GNAI2: variants seen among roughly 807,000 people sequenced by gnomAD.
The protein encoded by GNAI2 is G protein subunit alpha i2, also known as guanine nucleotide-binding protein G(i) subunit alpha-2.
A neutral mutation model predicts 36.8 loss-of-function variants in GNAI2; 4 were observed. That is an observed-to-expected ratio of 0.11 (90% confidence interval 0.05 to 0.25). GNAI2 has a LOEUF of 0.25. Among genes scored for constraint, GNAI2 ranks in the 10% least tolerant of loss-of-function variants. The pLI, the probability that GNAI2 is intolerant of heterozygous loss-of-function variation, is 1.00. For synonymous variants in GNAI2, 194 were observed against 194.1 expected, an observed-to-expected ratio of 1.00 and a Z score of 0.01; for missense variants, 230 against 481.3, an observed-to-expected ratio of 0.48 and a Z score of 4.89.
At position 50,255,528 on chromosome 3, in the gene GNAI2, C is replaced by G. The variant is rs587706760; in HGVS notation, c.465-664C>G. 2.0e-5 allele frequency among the ~76,000 whole-genome samples: 3 copies of G among 152,192 alleles called. No individual in the cohort carries two copies. The highest frequency in any genetic ancestry group is 7.2e-5 in the African/African-American group (3 of 41,450). On this transcript the variant is annotated intron_variant, in intron 4 of 8. Transcript: ENST00000313601. The surrounding 1 kb of genome is among the most constrained non-coding windows in gnomAD (Gnocchi z 4.0). Reference sequence around the variant, plus strand: ...CCCATTAGCATCCTGAATCCTTCACCGAAGGACTAATTTGCCTCCTCCCAC... The same window carrying G: ...CCCATTAGCATCCTGAATCCTTCACGGAAGGACTAATTTGCCTCCTCCCAC...
intron 5 of GNAI2, 86 bp downstream of exon 5, chr3:50,256,406 GC>G (rs1297012226): frequency 1.3e-5 from 17 of 1,286,348 alleles, no homozygotes; most frequent in Non-Finnish European, 1.8e-5. Context: ...GGATCCCCCA[GC>G]CCCACTGAGG....
upstream of GNAI2, among the ~76,000 whole-genome samples, chr3:50,227,780 AGCACCCTGCAAGGTT>A (rs762740484): frequency 1.3e-5 from 2 of 152,210 alleles, no homozygotes; most frequent in Admixed American, 6.5e-5. The surrounding 1 kb of genome is among the most constrained non-coding windows in gnomAD (Gnocchi z 5.9). Flanking sequence ...AAGGGCAGGT[AGCACCCTGCAAGGTT>A]GCACCCTGCG....
chr3:50,227,224 C>A (rs1699990704), upstream of GNAI2: 11 of 1,344,888 alleles, frequency 8.2e-6, no homozygotes, highest in Non-Finnish European at 9.7e-6. The surrounding 1 kb of genome is among the most constrained non-coding windows in gnomAD (Gnocchi z 5.9). Flanking sequence ...GCGGAGGAGA[C>A]CCTGGCGAGG....
chr3:50,253,781 C>T lies in GNAI2; in HGVS notation c.464+597C>T, dbSNP rs1700622069. On this transcript the variant is annotated intron_variant, in intron 4 of 8. Transcript: ENST00000313601. The surrounding 1 kb of genome is among the most constrained non-coding windows in gnomAD (Gnocchi z 4.2). ...TGTTCTGTGCCAGGCTTCAAGGACA[C>T]AGTGATGAGTGGAGCAAAGTCCCCA... 1.3e-5 allele frequency among the ~76,000 whole-genome samples: 2 copies of T among 152,152 alleles called. No individual in the cohort carries two copies. The highest frequency in any genetic ancestry group is 4.8e-5 in the African/African-American group (2 of 41,422).
At chr3:50,244,373 C>G (rs1553701478) in intron 1 of GNAI2, among the ~76,000 whole-genome samples, 1 of 152,154 alleles carries the variant, frequency 6.6e-6, no homozygotes, top group African/African-American at 2.4e-5. Flanking sequence ...TAGTCCGTAT[C>G]CTCTCACAGT....
chr3:50,232,986 C>T (rs1437245854), upstream of GNAI2, among the ~76,000 whole-genome samples: 2 of 151,136 alleles, frequency 1.3e-5, no homozygotes, highest in African/African-American at 2.4e-5. Context: ...CTGGGTGTCT[C>T]GGGGAGGCTT....
intron 1 of GNAI2, chr3:50,251,732 C>A: frequency 7.6e-7 from 1 of 1,323,038 alleles, no homozygotes; most frequent in Non-Finnish European, 9.9e-7. Flanking sequence ...TTGGCATGCA[C>A]CAGCTGCACA....
chr3:50,257,796 A>AG (rs1360183651), intron 8 of GNAI2, 82 bp downstream of exon 8: 14 of 69,254 alleles, frequency 2.0e-4, no homozygotes, highest in African/African-American at 6.8e-4. Context: ...GGGGGTGGGT[A>AG]GGGGGGTGAA....
rs368377990 is a variant in GNAI2 at position 50,257,497 on chromosome 3, C to T, written c.878-3C>T. On this transcript the variant is annotated splice_region_variant and splice_polypyrimidine_tract_variant and intron_variant, in intron 7 of 8. Coordinates refer to ENST00000313601, the MANE Select transcript of GNAI2 (RefSeq NM_002070.4). ...GCACAAGTCTTCATTTTCTCTCCCC[C>T]AGGGGCCAACAAATATGATGAGGCA... 31 of 1,551,052 alleles carry T rather than the reference C, an allele frequency of 2.0e-5. No homozygotes were observed. Among genetic ancestry groups the T allele is most frequent in the South Asian group, 8.5e-5 (7 of 82,462 alleles).
chr3:50,228,596 A>G (rs753773787), upstream of GNAI2, among the ~76,000 whole-genome samples: 2 of 151,592 alleles, frequency 1.3e-5, no homozygotes, highest in Admixed American at 6.6e-5. Flanking sequence ...TCTGCCTTCA[A>G]CACCCTCCAG....
rs1484897617 is a variant in GNAI2, at chr3:50,253,513, G to GACAGGC, written c.464+330_464+335dup. ...TAATCCCAGCACTTTGGGAGGCTGA[G>GACAGGC]ACAGGCGGGTCGTGAGATCAGGAGA... On this transcript the variant is annotated intron_variant, in intron 4 of 8. Transcript: ENST00000313601. The surrounding 1 kb of genome is among the most constrained non-coding windows in gnomAD (Gnocchi z 4.2). Among the ~76,000 whole-genome samples the GACAGGC allele has an allele frequency of 2.0e-5, 3 of 152,218 alleles. No homozygotes were observed. Among genetic ancestry groups the GACAGGC allele is most frequent in the Non-Finnish European group, 4.4e-5 (3 of 68,042 alleles).
chr3:50,227,194 G>A, upstream of GNAI2: 2 of 1,426,110 alleles, frequency 1.4e-6, no homozygotes, highest in Admixed American at 2.7e-5. The surrounding 1 kb of genome is among the most constrained non-coding windows in gnomAD (Gnocchi z 5.9). Context: ...CGTTCTGAGG[G>A]TAAGCCGATG....
At chr3:50,237,681 G>A (rs889945267) in intron 1 of GNAI2, among the ~76,000 whole-genome samples, 3 of 151,942 alleles carry the variant, frequency 2.0e-5, no homozygotes, top group East Asian at 1.9e-4. Context: ...TTGCAAAGAC[G>A]GTGGGCCTAC....
Position 50,257,587 on chromosome 3 carries a change from C to G in GNAI2, c.965C>G (p.Thr322Arg), listed in dbSNP as rs781962379. The change falls in exon 8 of 9, where the codon ACG becomes AGG. Residue 322 changes from threonine to arginine, a missense_variant. Around this residue, in one of 4 missense-constraint regions of GNAI2, gnomAD observed 51 missense variants for 56.7 expected, o/e 0.90. Coordinates refer to ENST00000313601, the MANE Select transcript of GNAI2 (RefSeq NM_002070.4). ...CGCAAAGACACCAAGGAGATCTACA[C>G]GCACTTCACGTGCGCCACCGACACC... Reference protein sequence around the residue: ...NKRKDTKEIYTHFTCATDTKN... With the variant: ...NKRKDTKEIYRHFTCATDTKN... 1.2e-6 allele frequency: 2 copies of G among 1,609,650 alleles called. No individual in the cohort carries two copies. The highest frequency in any genetic ancestry group is 2.2e-5 in the East Asian group (1 of 44,740).
chr3:50,257,925 G>A (rs1349475605), intron 8 of GNAI2: 4 of 459,076 alleles, frequency 8.7e-6, no homozygotes, highest in African/African-American at 7.9e-5. Flanking sequence ...AAGCAGGCCT[G>A]GCCCAGTGGT....
At chr3:50,240,669 C>T (rs1364805255) in intron 1 of GNAI2, among the ~76,000 whole-genome samples, 1 of 152,122 alleles carries the variant, frequency 6.6e-6, no homozygotes, top group Non-Finnish European at 1.5e-5. Context: ...ATAATCCCAG[C>T]ACTTTGGGAG....
At chr3:50,233,474 CAGGT>C (rs1214505556), upstream of GNAI2, among the ~76,000 whole-genome samples, 1 of 152,158 alleles carries the variant, frequency 6.6e-6, no homozygotes, top group African/African-American at 2.4e-5. Flanking sequence ...GGCAGGGTGA[CAGGT>C]AGAGGGAAGG....
At chr3:50,236,044 C>G, upstream of GNAI2, 2 of 335,784 alleles carry the variant, frequency 6.0e-6, no homozygotes, top group Non-Finnish European at 9.0e-6. The surrounding 1 kb of genome is among the most constrained non-coding windows in gnomAD (Gnocchi z 4.0). Flanking sequence ...CTGCGCCTAA[C>G]TTCCCCCTTC....
At chr3:50,254,587 T>TG (rs1259907821) in intron 4 of GNAI2, among the ~76,000 whole-genome samples, 1 of 152,170 alleles carries the variant, frequency 6.6e-6, no homozygotes, top group East Asian at 1.9e-4. Flanking sequence ...CCAAATGCTG[T>TG]GGGGGCCCCC....
Sources: gnomAD v4.1 joint callset for allele counts (sites outside exome capture counted in the v4.1 genomes callset) on GRCh38, gnomAD v4.1.1 for gene constraint, gnomAD v4.1.1 regional missense constraint, Gnocchi (gnomAD v3.1) non-coding constraint, MANE v1.5 for transcripts, NCBI Gene and HGNC (gene_info 2026-07-23, HGNC 2026-07-21) for gene names.